Variants in LARP4 observed in about 807,000 individuals in gnomAD.
The protein encoded by LARP4 is la-related protein 4.
In LARP4, 29 loss-of-function variants were observed where a neutral mutation model predicts 92.9. That is an observed-to-expected ratio of 0.31 (90% CI 0.23 to 0.43). LARP4 has a LOEUF of 0.43. LARP4 is among the 20% of genes least tolerant of loss of function. LARP4 has a pLI of 1.00. For synonymous variants in LARP4, 279 were observed against 284.1 expected, an observed-to-expected ratio of 0.98 and a Z score of 0.18; for missense variants, 732 against 860.0, an observed-to-expected ratio of 0.85 and a Z score of 1.86.
chr12:50,412,972 C>T (rs1032111044), intron 1 of LARP4, among the ~76,000 whole-genome samples: 50 of 152,210 alleles, frequency 3.3e-4, no homozygotes, highest in African/African-American at 1.1e-3. Context: ...CACCTGTAAT[C>T]CTAGCACTTT....
chr12:50,459,621 C>T (rs1954957575), intron 10 of LARP4, among the ~76,000 whole-genome samples: 1 of 151,978 alleles, frequency 6.6e-6, no homozygotes, highest in Non-Finnish European at 1.5e-5. Flanking sequence ...GTCAGGAGAT[C>T]GAGACCATCG....
At chr12:50,453,149 ATGC>A (rs1953567243) in intron 8 of LARP4, among the ~76,000 whole-genome samples, 1 of 148,916 alleles carries the variant, frequency 6.7e-6, no homozygotes, top group Admixed American at 6.8e-5. Flanking sequence ...TCCTGGGCTC[ATGC>A]GATCCTACCC....
At chr12:50,426,681 TGG>T (rs200197282) in intron 1 of LARP4, among the ~76,000 whole-genome samples, 1 of 109,364 alleles carries the variant, frequency 9.1e-6, no homozygotes, top group East Asian at 2.7e-4. Flanking sequence ...GCATTATGTT[TGG>T]GGTGTGTGTG....
At chr12:50,445,179 T>C (rs1401022862) in intron 8 of LARP4, among the ~76,000 whole-genome samples, 1 of 152,136 alleles carries the variant, frequency 6.6e-6, no homozygotes, top group Non-Finnish European at 1.5e-5. Context: ...GTTGGGACTA[T>C]AGACGTGAGC....
In LARP4 at chr12:50,453,713, A is replaced by G. The variant is rs1038914964; in HGVS notation, c.1017+41A>G. The G allele has an allele frequency of 3.1e-6, 4 of 1,291,878 alleles. No homozygotes were observed. The Admixed American group carries it at 8.0e-5, about 26-fold the overall frequency. 80.0% of individuals were successfully genotyped at this position (1,291,878 alleles called of 1,614,324 possible). ...ACAATAAAATATAATAATATTTTTA[A>G]TTTGAGCTGAAATTTGAAGAAATCA... On this transcript the variant is annotated intron_variant, in intron 9 of 15. Transcript: ENST00000398473.
chr12:50,427,402 T>C (rs7133107), intron 1 of LARP4, among the ~76,000 whole-genome samples: 151,455 of 152,254 alleles, frequency 0.99, 75,338 homozygotes, highest in Middle Eastern at 1. Flanking sequence ...TCCTCTGTCA[T>C]GTAGGCTGGA....
chr12:50,461,532 A>AT, intron 11 of LARP4, 185 bp downstream of exon 11: 1 of 610,238 alleles, frequency 1.6e-6, no homozygotes, highest in Non-Finnish European at 2.8e-6. Flanking sequence ...TAGAGTGCCC[A>AT]TACAGAATAT....
chr12:50,473,485 A>G lies in LARP4; in HGVS notation c.1616A>G (p.Gln539Arg), dbSNP rs771488452. 8.1e-6 allele frequency: 13 copies of G among 1,613,394 alleles called. No homozygotes were observed. The highest frequency in any genetic ancestry group is 1.1e-5 in the Non-Finnish European group (13 of 1,179,480). Reference protein sequence around the residue: ...DEQTECTSAQQLNMSTSSPCA... With the variant: ...DEQTECTSAQRLNMSTSSPCA... ...CAGACAGAATGCACTTCTGCCCAGCAACTCAATATGAGTACCAGTTCTCCA... is the reference window on the plus strand; with the variant it reads ...CAGACAGAATGCACTTCTGCCCAGCGACTCAATATGAGTACCAGTTCTCCA... The change falls in exon 14 of 16, where the codon CAA (glutamine) becomes CGA (arginine). Residue 539 changes from glutamine to arginine, a missense_variant. Coordinates refer to ENST00000398473, the MANE Select transcript of LARP4 (RefSeq NM_052879.5).
At chr12:50,431,017 C>T (rs1305612379) in intron 4 of LARP4, among the ~76,000 whole-genome samples, 1 of 151,770 alleles carries the variant, frequency 6.6e-6, no homozygotes, top group African/African-American at 2.4e-5. Flanking sequence ...CCTGTAATCC[C>T]AGCACTTTGG....
At chr12:50,475,299 T>G (rs567147774) in intron 15 of LARP4, among the ~76,000 whole-genome samples, 1 of 152,268 alleles carries the variant, frequency 6.6e-6, no homozygotes, top group Non-Finnish European at 1.5e-5. Flanking sequence ...CTCCCATCAT[T>G]ATAAACAACG....
At chr12:50,419,632 TGTG>T (rs1374784638) in intron 1 of LARP4, among the ~76,000 whole-genome samples, 1 of 152,120 alleles carries the variant, frequency 6.6e-6, no homozygotes, top group Non-Finnish European at 1.5e-5. Context: ...TTAGGCCTGT[TGTG>T]GTGAGTCATG....
At chr12:50,407,240 G>C (rs994493046) in intron 1 of LARP4, among the ~76,000 whole-genome samples, 16 of 150,748 alleles carry the variant, frequency 1.1e-4, no homozygotes, top group African/African-American at 3.9e-4. Flanking sequence ...TGGTCAGGCT[G>C]GTCTCGAACT....
At chr12:50,459,493 G>A (rs930246320) in intron 10 of LARP4, among the ~76,000 whole-genome samples, 5 of 151,764 alleles carry the variant, frequency 3.3e-5, no homozygotes, top group Non-Finnish European at 5.9e-5. Context: ...CCCTTCCTTC[G>A]CCCCCGTTTT....
intron 5 of LARP4, among the ~76,000 whole-genome samples, chr12:50,436,987 C>T (rs1950543511): frequency 6.6e-6 from 1 of 151,996 alleles, no homozygotes; most frequent in South Asian, 2.1e-4. Flanking sequence ...TTAAAATGAC[C>T]CAATCTTGTC....
intron 13 of LARP4, among the ~76,000 whole-genome samples, chr12:50,468,336 C>T (rs916544194): frequency 1.3e-5 from 2 of 151,252 alleles, no homozygotes; most frequent in African/African-American, 2.4e-5. Flanking sequence ...GCTCGTAGCC[C>T]AGGCTGGAGT....
intron 14 of LARP4, 72 bp downstream of exon 14, chr12:50,473,608 G>C: frequency 6.6e-7 from 1 of 1,517,704 alleles, no homozygotes; most frequent in Non-Finnish European, 9.0e-7. Flanking sequence ...GCTCTCACCT[G>C]TAATCCCAGC....
chr12:50,469,601 CAA>C (rs757844912), intron 13 of LARP4, among the ~76,000 whole-genome samples: 15 of 65,562 alleles, frequency 2.3e-4, no homozygotes, highest in African/African-American at 8.7e-4. Flanking sequence ...GAGACTCTAT[CAA>C]AAAAAAAAAA....
At position 50,429,080 on chromosome 12, in the gene LARP4, T is replaced by C. The variant is rs1000438142; in HGVS notation, c.312T>C (p.Tyr104=). 1 of 1,611,796 alleles carries C rather than the reference T, an allele frequency of 6.2e-7. No homozygotes were observed. Among genetic ancestry groups the C allele is most frequent in the Admixed American group, 1.7e-5 (1 of 59,822 alleles). ...CAGAAGATCTGAGTTACCAAATATA[T>C]GATGTTTCCGGTAAACTTTATGGTT... ...LGPEDLSYQI[Y]DVSGESNSAV... Residue 104 remains tyrosine (Y), a synonymous_variant, in exon 3 of 16, where the codon TAT becomes TAC. Transcript: ENST00000398473.
chr12:50,475,772 C>T lies in LARP4; in HGVS notation c.2083C>T (p.Gln695Ter), dbSNP rs1458649255. ...PRGAAGKIRE[Q>*]RRQFSHRAIP... Reference sequence around the variant, plus strand: ...GGGAGCAGCAGGAAAAATCAGGGAACAGAGACGCCAGTTTAGCCATAGGGC... The same window carrying T: ...GGGAGCAGCAGGAAAAATCAGGGAATAGAGACGCCAGTTTAGCCATAGGGC... Residue 695 changes from glutamine to a stop codon, truncating the protein, a stop_gained, in exon 16 of 16, where the codon CAG becomes TAG. Transcript: ENST00000398473. LOFTEE classifies it high-confidence loss of function. 6.2e-7 allele frequency: 1 copy of T among 1,614,110 alleles called. No individual in the cohort carries two copies. The highest frequency in any genetic ancestry group is 8.5e-7 in the Non-Finnish European group (1 of 1,180,022).
Sources: gnomAD v4.1 joint callset for allele counts (sites outside exome capture counted in the v4.1 genomes callset) on GRCh38, gnomAD v4.1.1 for gene constraint, MANE v1.5 for transcripts, NCBI Gene and HGNC (gene_info 2026-07-23, HGNC 2026-07-21) for gene names.